HIVEP2: variants seen among roughly 807,000 people sequenced by gnomAD.
The protein encoded by HIVEP2 is transcription factor HIVEP2.
HIVEP2 carries 14 observed loss-of-function variants against 180.7 expected under a neutral mutation model. The ratio of observed to expected loss-of-function variants is 0.08; its 90% CI spans 0.05 to 0.12. The LOEUF is 0.12. Ranked by LOEUF, HIVEP2 falls within the 10% of genes least tolerant of loss-of-function variation. The pLI, the probability that HIVEP2 is intolerant of heterozygous loss-of-function variation, is 1.00. For missense variants in HIVEP2, 2,579 were observed against 3,008.5 expected, an observed-to-expected ratio of 0.86 and a Z score of 3.34; for synonymous variants, 1,184 against 1,136.4, an observed-to-expected ratio of 1.04 and a Z score of -0.84.
chr6:142,774,559 T>A lies in HIVEP2; in HGVS notation c.180A>T (p.Ser60=). 1 of 1,614,226 alleles carries A rather than the reference T, an allele frequency of 6.2e-7. No individual in the cohort carries two copies. The highest frequency in any genetic ancestry group is 8.5e-7 in the Non-Finnish European group (1 of 1,180,038). Residue 60 remains serine, a synonymous_variant, in exon 5 of 10, where the codon TCA becomes TCT. Coordinates refer to ENST00000367603, the MANE Select transcript of HIVEP2 (RefSeq NM_006734.4). The surrounding 1 kb of genome is among the most constrained non-coding windows in gnomAD (Gnocchi z 5.1). The part of the protein sequence containing the change: ...IEPEQIGNTA[S]AQLFGSGKLA... The stretch of plus-strand genomic sequence containing the variant: ...GTTTCCCAGAACCAAACAGTTGTGC[T>A]GATGCTGTGTTTCCGATTTGCTCAG...
intron 2 of HIVEP2, among the ~76,000 whole-genome samples, chr6:142,803,890 A>G (rs578083439): frequency 6.6e-6 from 1 of 152,260 alleles, no homozygotes; most frequent in Admixed American, 6.5e-5. Context: ...TGAAAGTACC[A>G]GGAAAGGAAC....
chr6:142,926,987 C>T (rs1248615149), intron 1 of HIVEP2, among the ~76,000 whole-genome samples: 1 of 151,626 alleles, frequency 6.6e-6, no homozygotes, highest in Non-Finnish European at 1.5e-5. Flanking sequence ...CAAGCCGCGT[C>T]CAGGGCAGGC....
chr6:142,829,109 A>G (rs1198728644), intron 2 of HIVEP2, among the ~76,000 whole-genome samples: 1 of 152,160 alleles, frequency 6.6e-6, no homozygotes, highest in African/African-American at 2.4e-5. Context: ...GAGCAGATTA[A>G]TCTTTCAAAC....
chr6:142,811,496 T>G (rs1776697360), intron 2 of HIVEP2, among the ~76,000 whole-genome samples: 1 of 151,924 alleles, frequency 6.6e-6, no homozygotes, highest in African/African-American at 2.4e-5. Flanking sequence ...ATGTCACGAG[T>G]GTTTCCCCTC....
At chr6:142,919,597 A>G (rs2128433692) in intron 1 of HIVEP2, among the ~76,000 whole-genome samples, 1 of 152,322 alleles carries the variant, frequency 6.6e-6, no homozygotes, top group East Asian at 1.9e-4. Context: ...TAAGTTTATC[A>G]TTATTCTACT....
At chr6:142,920,487 A>C (rs1777659737) in intron 1 of HIVEP2, among the ~76,000 whole-genome samples, 1 of 152,142 alleles carries the variant, frequency 6.6e-6, no homozygotes, top group Non-Finnish European at 1.5e-5. Context: ...GGATAGCAGG[A>C]GGGAGAACTC....
At chr6:142,762,785 AT>A (rs1775283205) in intron 7 of HIVEP2, among the ~76,000 whole-genome samples, 1 of 152,152 alleles carries the variant, frequency 6.6e-6, no homozygotes, top group Non-Finnish European at 1.5e-5. Flanking sequence ...TTTTACTCAT[AT>A]TGCTTTATTA....
chr6:142,770,266 C>T lies in HIVEP2; in HGVS notation c.4473G>A (p.Gln1491=). The change falls in exon 5 of 10, where the codon CAG becomes CAA. Residue 1491 remains glutamine (Q), a synonymous_variant. Coordinates refer to ENST00000367603, the MANE Select transcript of HIVEP2 (RefSeq NM_006734.4). This position sits in a 1 kb window ranked among gnomAD's most constrained non-coding sequence, Gnocchi z 4.7. ...ATCCTTGTCGAACCAGCTGGGGTTT[C>T]TGGGGGCGGGAGAGGTCCTTTTTGA... ...SDIKKDLSRP[Q]KPQLVRQGCA... 6.2e-7 allele frequency: 1 copy of T among 1,614,194 alleles called. No individual in the cohort carries two copies. Among genetic ancestry groups the T allele is most frequent in the Admixed American group, 1.7e-5 (1 of 60,024 alleles).
intron 1 of HIVEP2, among the ~76,000 whole-genome samples, chr6:142,845,103 T>G (rs1051259431): frequency 1.3e-5 from 2 of 152,250 alleles, no homozygotes; most frequent in African/African-American, 4.8e-5. Flanking sequence ...GTTCTCATTA[T>G]GAAAACATTT....
chr6:142,929,548 G>T lies in HIVEP2; in HGVS notation c.-641+15551C>A, dbSNP rs888242546. 2.0e-5 allele frequency among the ~76,000 whole-genome samples: 3 copies of T among 152,232 alleles called. No homozygotes were observed. The East Asian group carries it at 5.8e-4, about 29-fold the overall frequency. On this transcript the variant is annotated intron_variant, in intron 1 of 9. Transcript: ENST00000367603. ...ATGAAAGAGAAGAAATAACTGTGAG[G>T]ATAAAAGGAAGTTTTGCAGGATAAT...
In HIVEP2 at chr6:142,774,256, A is replaced by T. The variant is rs774740750; in HGVS notation, c.483T>A (p.Ala161=). The change falls in exon 5 of 10, where the codon GCT becomes GCA. Residue 161 remains alanine (A), a synonymous_variant. Coordinates refer to ENST00000367603, the MANE Select transcript of HIVEP2 (RefSeq NM_006734.4). The surrounding 1 kb of genome is among the most constrained non-coding windows in gnomAD (Gnocchi z 5.1). ...PRKKISSLNP[A]YSQYSQKSIE... ...TACTTTTCTGGGAGTATTGGCTATA[A>T]GCAGGGTTCAGACTTGAAATCTTTT... 3.7e-6 allele frequency: 6 copies of T among 1,614,086 alleles called. No homozygotes were observed. In the Admixed American group the frequency reaches 6.7e-5, roughly 18 times the overall value.
Position 142,770,994 on chromosome 6 carries a change from T to C in HIVEP2, c.3745A>G (p.Thr1249Ala). 1 of 1,614,156 alleles carries C rather than the reference T, an allele frequency of 6.2e-7. No individual in the cohort carries two copies. Among genetic ancestry groups the C allele is most frequent in the South Asian group, 1.1e-5 (1 of 91,090 alleles). ...AAGGGATAGCTCGAATGGATTTCTGTCTGAAAAGAGGGCTTGCCATAGCTC... is the reference window on the plus strand; with the variant it reads ...AAGGGATAGCTCGAATGGATTTCTGCCTGAAAAGAGGGCTTGCCATAGCTC... ...QKSYGKPSFQ[T>A]EIHSSYPLEH... The change falls in exon 5 of 10, where the codon ACA becomes GCA. Residue 1249 changes from threonine to alanine, a missense_variant. Physicochemically the swap from Thr to Ala is moderately conservative, Grantham distance 58. Transcript: ENST00000367603. The surrounding 1 kb of genome is among the most constrained non-coding windows in gnomAD (Gnocchi z 4.7).
At chr6:142,856,122 C>T (rs370692548) in intron 1 of HIVEP2, among the ~76,000 whole-genome samples, 6 of 151,996 alleles carry the variant, frequency 3.9e-5, no homozygotes, top group Admixed American at 1.3e-4. Context: ...ACCATTCTCT[C>T]GTTACTTTTT....
At chr6:142,815,000 T>A (rs545244359) in intron 2 of HIVEP2, among the ~76,000 whole-genome samples, 3 of 152,120 alleles carry the variant, frequency 2.0e-5, no homozygotes, top group East Asian at 3.9e-4. Flanking sequence ...ATGGCCTTCT[T>A]GCTGCAACAG....
intron 2 of HIVEP2, among the ~76,000 whole-genome samples, chr6:142,812,266 C>T (rs1236149469): frequency 1.3e-5 from 2 of 152,166 alleles, no homozygotes; most frequent in African/African-American, 4.8e-5. Flanking sequence ...AGGGAAAAAC[C>T]ACCTGAAAGT....
chr6:142,925,061 G>C (rs1020821325), intron 1 of HIVEP2, among the ~76,000 whole-genome samples: 2 of 152,140 alleles, frequency 1.3e-5, no homozygotes, highest in Non-Finnish European at 2.9e-5. Context: ...ATCTTATAGA[G>C]AGTAAACAGA....
chr6:142,769,034 T>C (rs1250795474), intron 5 of HIVEP2, among the ~76,000 whole-genome samples: 1 of 148,928 alleles, frequency 6.7e-6, no homozygotes, highest in Admixed American at 6.6e-5. Context: ...TGATGGTTCT[T>C]GTAGGAATAA....
chr6:142,894,806 G>T (rs555404104), intron 1 of HIVEP2, among the ~76,000 whole-genome samples: 1 of 152,086 alleles, frequency 6.6e-6, no homozygotes, highest in African/African-American at 2.4e-5. Context: ...TCATTTGAAC[G>T]CAGGGTCTCC....
intron 1 of HIVEP2, among the ~76,000 whole-genome samples, chr6:142,941,456 C>A (rs2128441650): frequency 6.6e-6 from 1 of 152,310 alleles, no homozygotes; most frequent in Non-Finnish European, 1.5e-5. Context: ...GAAAATACTA[C>A]TTCTCATACA....
Sources: allele counts gnomAD v4.1 joint callset (sites outside exome capture counted in the v4.1 genomes callset), GRCh38; gene constraint gnomAD v4.1.1; non-coding constraint Gnocchi (gnomAD v3.1); transcripts MANE v1.5; gene names NCBI Gene and HGNC (gene_info 2026-07-23, HGNC 2026-07-21).